Variants in MRTFB observed in about 807,000 individuals in gnomAD.
The protein encoded by MRTFB is myocardin-related transcription factor B.
MRTFB carries 29 observed loss-of-function variants against 104.2 expected under a neutral mutation model. The ratio of observed to expected loss-of-function variants is 0.28; its 90% CI spans 0.21 to 0.38. The LOEUF is 0.38. Ranked by LOEUF, MRTFB falls within the 10% of genes least tolerant of loss-of-function variation. MRTFB has a pLI of 1.00. For synonymous variants in MRTFB, 535 were observed against 519.5 expected, an observed-to-expected ratio of 1.03 and a Z score of -0.41; for missense variants, 1,270 against 1,341.6, an observed-to-expected ratio of 0.95 and a Z score of 0.83.
Position 14,096,952 on chromosome 16 carries a change from A to G in MRTFB, c.-64+17598A>G, listed in dbSNP as rs565482236. 7.9e-5 allele frequency among the ~76,000 whole-genome samples: 12 copies of G among 152,330 alleles called. No homozygotes were observed. The South Asian group carries it at 2.5e-3, about 32-fold the overall frequency. ...TGAATTCACTTAGGTTTCAAGACAT[A>G]CCTCTCATTCTAGAATTCTAAGCAC... is the stretch of plus-strand genomic sequence containing the variant. On this transcript the variant is annotated intron_variant, in intron 2 of 16. Transcript: ENST00000571589.
intron 13 of MRTFB, among the ~76,000 whole-genome samples, chr16:14,251,237 T>C (rs923598569): frequency 6.6e-6 from 1 of 151,282 alleles, no homozygotes; most frequent in African/African-American, 2.4e-5. Flanking sequence ...ATTAGTTGGG[T>C]GTGGTGGCGG....
chr16:13,998,919 A>AC, the MRTFB span, among the ~76,000 whole-genome samples: 1 of 125,804 alleles, frequency 7.9e-6, no homozygotes, highest in Non-Finnish European at 1.6e-5. Flanking sequence ...AAGGCCGGTC[A>AC]TGGGGGCTCA....
intron 3 of MRTFB, chr16:14,153,046 A>T (rs2038692913): frequency 6.6e-6 from 1 of 152,162 alleles, no homozygotes; most frequent in African/African-American, 2.4e-5. Flanking sequence ...ATGTTATCAT[A>T]TTCTAATAAC....
chr16:14,207,433 C>T (rs1017654152), intron 3 of MRTFB, among the ~76,000 whole-genome samples: 1 of 152,194 alleles, frequency 6.6e-6, no homozygotes, highest in Non-Finnish European at 1.5e-5. Context: ...TGGCACAGAA[C>T]TCCTAAAGTT....
chr16:14,237,434 C>T (rs73518929), intron 9 of MRTFB, among the ~76,000 whole-genome samples: 20,569 of 152,206 alleles, frequency 0.14, 3,287 homozygotes, highest in African/African-American at 0.38. Context: ...GAACTGGCCT[C>T]GGTTTAACGT....
chr16:14,224,951 C>A (rs2041931314), intron 8 of MRTFB, among the ~76,000 whole-genome samples: 1 of 152,144 alleles, frequency 6.6e-6, no homozygotes, highest in African/African-American at 2.4e-5. Flanking sequence ...CTTTGGGAGG[C>A]CAAAGCGAGC....
rs563659861 is a variant in MRTFB at position 14,230,737 on chromosome 16, G to A, written c.694-3409G>A. Among the ~76,000 whole-genome samples, 3 of 152,234 alleles carry A rather than the reference G, an allele frequency of 2.0e-5. No homozygotes were observed. The East Asian group carries it at 5.8e-4, about 29-fold the overall frequency. ...GAAGTCAGTGTGGTGATTCCTCAGG[G>A]ATCTAGAACTAGAAATACCATTTGA... On this transcript the variant is annotated intron_variant, in intron 8 of 16. Coordinates refer to ENST00000571589, the MANE Select transcript of MRTFB (RefSeq NM_001308142.2).
intron 2 of MRTFB, among the ~76,000 whole-genome samples, chr16:14,105,677 G>A (rs1171217804): frequency 6.6e-6 from 1 of 152,170 alleles, no homozygotes; most frequent in Non-Finnish European, 1.5e-5. Context: ...GGGATTACAG[G>A]TGTGAGCCAC....
chr16:14,149,020 A>G (rs2038475040), intron 3 of MRTFB, among the ~76,000 whole-genome samples: 1 of 152,220 alleles, frequency 6.6e-6, no homozygotes, highest in South Asian at 2.1e-4. Flanking sequence ...TCTCTCAATT[A>G]GTCAGACTTT....
chr16:14,043,657 C>T, the MRTFB span, among the ~76,000 whole-genome samples: 1 of 152,322 alleles, frequency 6.6e-6, no homozygotes, highest in African/African-American at 2.4e-5. Flanking sequence ...CTCTGAGCCT[C>T]ACCTTTTCTA....
intron 9 of MRTFB, among the ~76,000 whole-genome samples, chr16:14,236,889 A>G (rs4781585): frequency 1.1e-3 from 171 of 152,302 alleles, no homozygotes; most frequent in African/African-American, 3.8e-3. Context: ...AGCTGGGGAG[A>G]TAACAGAAGT....
chr16:14,056,728 A>T, the MRTFB span, among the ~76,000 whole-genome samples: 25 of 152,298 alleles, frequency 1.6e-4, no homozygotes, highest in African/African-American at 6.0e-4. Flanking sequence ...TATATTATGT[A>T]TACCAATCCA....
chr16:14,192,705 A>T (rs1034997525), intron 3 of MRTFB, among the ~76,000 whole-genome samples: 24 of 152,170 alleles, frequency 1.6e-4, no homozygotes, highest in African/African-American at 5.8e-4. Flanking sequence ...CTTTGGTCCA[A>T]ATAAGCAAGC....
chr16:14,085,123 A>C (rs1050703058), intron 2 of MRTFB, among the ~76,000 whole-genome samples: 3 of 152,176 alleles, frequency 2.0e-5, no homozygotes, highest in Non-Finnish European at 4.4e-5. Flanking sequence ...TTAAAGAAAA[A>C]AAAGCCAATT....
intron 13 of MRTFB, among the ~76,000 whole-genome samples, chr16:14,250,822 C>T (rs762447038): frequency 1.9e-4 from 29 of 152,066 alleles, no homozygotes; most frequent in Non-Finnish European, 3.5e-4. Context: ...CAAGCGGCGT[C>T]GCTGAGATGT....
intron 3 of MRTFB, among the ~76,000 whole-genome samples, chr16:14,194,658 A>G (rs964828012): frequency 6.6e-6 from 1 of 152,114 alleles, no homozygotes; most frequent in African/African-American, 2.4e-5. Flanking sequence ...ACAGTGGCCA[A>G]AACTTCATAG....
chr16:14,184,887 T>C (rs2039893431), intron 3 of MRTFB, among the ~76,000 whole-genome samples: 1 of 152,194 alleles, frequency 6.6e-6, no homozygotes, highest in African/African-American at 2.4e-5. Context: ...CTTAGAAGCT[T>C]TGTGACTTGA....
the MRTFB span, among the ~76,000 whole-genome samples, chr16:14,055,823 G>A: frequency 2.6e-5 from 4 of 151,872 alleles, no homozygotes; most frequent in Non-Finnish European, 4.4e-5. Context: ...TTAATCTCTC[G>A]GGGGAGATAC....
At chr16:14,095,804 G>T (rs2035328576) in intron 2 of MRTFB, among the ~76,000 whole-genome samples, 1 of 151,902 alleles carries the variant, frequency 6.6e-6, no homozygotes, top group Admixed American at 6.6e-5. Context: ...GAATACTGTG[G>T]TTTGTTTTTT....
Sources: gnomAD v4.1 joint callset for allele counts (sites outside exome capture counted in the v4.1 genomes callset) on GRCh38, gnomAD v4.1.1 for gene constraint, MANE v1.5 for transcripts, NCBI Gene and HGNC (gene_info 2026-07-23, HGNC 2026-07-21) for gene names.